The following MAF variants were observed in gnomAD, a reference collection of about 807,000 sequenced individuals.
The protein encoded by MAF is MAF bZIP transcription factor.
A neutral mutation model predicts 22.0 loss-of-function variants in MAF; 10 were observed. The ratio of observed to expected loss-of-function variants is 0.45; its 90% CI spans 0.28 to 0.77. MAF has a LOEUF of 0.77. Among genes scored for constraint, MAF ranks in the 30% least tolerant of loss-of-function variants. The pLI, the probability that MAF is intolerant of heterozygous loss-of-function variation, is 0.12. For synonymous variants in MAF, 337 were observed against 255.8 expected, an observed-to-expected ratio of 1.32 and a Z score of -3.03; for missense variants, 544 against 548.4, an observed-to-expected ratio of 0.99 and a Z score of 0.08.
At chr16:79,469,764 T>G in the MAF span, among the ~76,000 whole-genome samples, 1 of 151,982 alleles carries the variant, frequency 6.6e-6, no homozygotes, top group African/African-American at 2.4e-5. Context: ...GTCTGGCTAA[T>G]TTTTGTATTT....
At chr16:79,301,429 C>G in the MAF span, among the ~76,000 whole-genome samples, 2 of 152,124 alleles carry the variant, frequency 1.3e-5, no homozygotes, top group South Asian at 2.1e-4. Flanking sequence ...ATTTTTTCCC[C>G]CCATTTGAGG....
chr16:79,339,974 C>T, the MAF span, among the ~76,000 whole-genome samples: 668 of 152,250 alleles, frequency 4.4e-3, 3 homozygotes, highest in Middle Eastern at 0.01. Flanking sequence ...ACCGTCCTGG[C>T]AAAGCTGTCA....
At chr16:79,440,473 G>C in the MAF span, among the ~76,000 whole-genome samples, 1 of 152,010 alleles carries the variant, frequency 6.6e-6, no homozygotes, top group African/African-American at 2.4e-5. Context: ...GTCTCGTTTG[G>C]TCACCAGGCT....
the MAF span, among the ~76,000 whole-genome samples, chr16:79,477,943 C>T: frequency 2.7e-5 from 4 of 150,844 alleles, no homozygotes; most frequent in South Asian, 4.2e-4. Context: ...AGGCTGGTCT[C>T]GAACTCCTGA....
chr16:79,471,382 G>A, the MAF span, among the ~76,000 whole-genome samples: 700 of 152,342 alleles, frequency 4.6e-3, 5 homozygotes, highest in South Asian at 0.036. Flanking sequence ...TTTAGGCAGA[G>A]CACAATGGCT....
the MAF span, among the ~76,000 whole-genome samples, chr16:79,512,292 G>A: frequency 6.6e-5 from 10 of 152,128 alleles, no homozygotes; most frequent in East Asian, 1.9e-4. Flanking sequence ...TTTCTCAGTC[G>A]TTTCTCCACG....
chr16:79,379,595 G>A, the MAF span, among the ~76,000 whole-genome samples: 1 of 152,154 alleles, frequency 6.6e-6, no homozygotes, highest in Non-Finnish European at 1.5e-5. Flanking sequence ...ATATGAAACT[G>A]TGTTACATTT....
chr16:79,356,582 G>A, the MAF span, among the ~76,000 whole-genome samples: 12 of 152,182 alleles, frequency 7.9e-5, no homozygotes, highest in South Asian at 2.3e-3. Context: ...CTCTGAGCAT[G>A]CTCTCCTGTC....
chr16:79,275,552 A>T, the MAF span, among the ~76,000 whole-genome samples: 2 of 152,212 alleles, frequency 1.3e-5, no homozygotes, highest in Admixed American at 6.5e-5. Flanking sequence ...ATGAGATGGG[A>T]TCTGAACTCA....
the MAF span, among the ~76,000 whole-genome samples, chr16:79,308,540 G>T: frequency 6.6e-6 from 1 of 152,130 alleles, no homozygotes; most frequent in Non-Finnish European, 1.5e-5. Flanking sequence ...TGAAATGCTA[G>T]CAAAAGCCTG....
At chr16:79,495,116 GCT>G in the MAF span, among the ~76,000 whole-genome samples, 3 of 152,124 alleles carry the variant, frequency 2.0e-5, no homozygotes, top group Admixed American at 2.0e-4. Context: ...TTTTACAGAG[GCT>G]CTATTTGGTA....
Position 79,598,933 on chromosome 16 carries a change from G to A in MAF, c.970C>T (p.Leu324=), listed in dbSNP as rs774880014. 6.2e-7 allele frequency: 1 copy of A among 1,613,756 alleles called. No individual in the cohort carries two copies. Among genetic ancestry groups the A allele is most frequent in the Non-Finnish European group, 8.5e-7 (1 of 1,179,966 alleles). ...HVLESEKNQL[L]QQVDHLKQEI... ...TGCTTGAGGTGGTCGACTTGCTGCA[G>A]CAGCTGGTTCTTCTCCGACTCCAGG... is the stretch of plus-strand genomic sequence containing the variant. Residue 324 remains leucine, a synonymous_variant, in exon 1 of 2, where the codon CTG becomes TTG. Transcript: ENST00000326043.
chr16:79,466,616 G>T, the MAF span, among the ~76,000 whole-genome samples: 1 of 152,208 alleles, frequency 6.6e-6, no homozygotes, highest in African/African-American at 2.4e-5. Context: ...GGTCAGCAAA[G>T]ATTTTTGGAA....
At chr16:79,208,183 C>T in the MAF span, among the ~76,000 whole-genome samples, 1 of 152,190 alleles carries the variant, frequency 6.6e-6, no homozygotes, top group Admixed American at 6.5e-5. Flanking sequence ...TCTCCTCTGG[C>T]AGCTCACAAA....
the MAF span, among the ~76,000 whole-genome samples, chr16:79,270,987 G>A: frequency 7.3e-5 from 11 of 150,414 alleles, no homozygotes; most frequent in East Asian, 2.0e-3. Flanking sequence ...TGCAATCTCC[G>A]CCTCCTGGGT....
the MAF span, among the ~76,000 whole-genome samples, chr16:79,531,665 A>T: frequency 6.6e-6 from 1 of 152,072 alleles, no homozygotes; most frequent in Non-Finnish European, 1.5e-5. Context: ...CTCCTATAAG[A>T]ATCTTAATGC....
the MAF span, among the ~76,000 whole-genome samples, chr16:79,561,030 A>T: frequency 6.6e-6 from 1 of 152,190 alleles, no homozygotes; most frequent in African/African-American, 2.4e-5. Flanking sequence ...CTACAGCTGC[A>T]AAACTTAGAT....
chr16:79,229,589 C>T, the MAF span: 2 of 152,028 alleles, frequency 1.3e-5, no homozygotes, highest in Admixed American at 6.6e-5. Flanking sequence ...GGAGGCCGTT[C>T]GGTAACTCCA....
At chr16:79,488,954 T>C in the MAF span, among the ~76,000 whole-genome samples, 308 of 152,336 alleles carry the variant, frequency 2.0e-3, 3 homozygotes, top group African/African-American at 7.1e-3. Flanking sequence ...TCTACTGCCC[T>C]GTTGGCCTTT....
Sources: allele counts gnomAD v4.1 joint callset (sites outside exome capture counted in the v4.1 genomes callset), GRCh38; gene constraint gnomAD v4.1.1; transcripts MANE v1.5; gene names NCBI Gene and HGNC (gene_info 2026-07-23, HGNC 2026-07-21).